The following RPAP2 variants were observed in gnomAD, a reference collection of about 807,000 sequenced individuals.
RPAP2 encodes the protein putative RNA polymerase II subunit B1 CTD phosphatase RPAP2.
Under a neutral mutation model 73.1 loss-of-function variants are expected in RPAP2, and 52 were observed. That is an observed-to-expected ratio of 0.71 (90% confidence interval 0.57 to 0.90). The LOEUF is 0.90. RPAP2 is among the 40% of genes least tolerant of loss of function. RPAP2 has a pLI of 0.00. For synonymous variants in RPAP2, 225 were observed against 242.1 expected (o/e 0.93, Z 0.65); for missense variants, 598 against 701.8 (o/e 0.85, Z 1.67).
intron 10 of RPAP2, among the ~76,000 whole-genome samples, chr1:92,337,141 C>T (rs986028612): frequency 1.3e-5 from 2 of 152,054 alleles, no homozygotes; most frequent in Admixed American, 1.3e-4. Flanking sequence ...GCTGATGTTG[C>T]ACTGACACAG....
At chr1:92,371,318 AAAT>A (rs1278708722) in intron 11 of RPAP2, among the ~76,000 whole-genome samples, 813 of 37,628 alleles carry the variant, frequency 0.022, 9 homozygotes, top group African/African-American at 0.078. Context: ...AAAAAAAAAA[AAAT>A]ATATATATAT....
At chr1:92,374,760 C>T (rs894658355) in intron 11 of RPAP2, among the ~76,000 whole-genome samples, 2 of 152,100 alleles carry the variant, frequency 1.3e-5, no homozygotes, top group African/African-American at 4.8e-5. Context: ...AGTAAGCAGC[C>T]AGACTGGAAA....
intron 11 of RPAP2, among the ~76,000 whole-genome samples, chr1:92,348,468 A>G (rs1193698613): frequency 6.6e-6 from 1 of 152,124 alleles, no homozygotes; most frequent in Non-Finnish European, 1.5e-5. Context: ...CTTTTGCTCT[A>G]GGCCTTCCTT....
At chr1:92,366,068 A>G (rs1224357660) in intron 11 of RPAP2, among the ~76,000 whole-genome samples, 4 of 152,238 alleles carry the variant, frequency 2.6e-5, no homozygotes, top group Non-Finnish European at 5.9e-5. Flanking sequence ...AAAGGGAACA[A>G]CTAGGAAAGA....
intron 5 of RPAP2, among the ~76,000 whole-genome samples, chr1:92,306,077 A>G (rs948033396): frequency 1.3e-5 from 2 of 152,242 alleles, no homozygotes; most frequent in African/African-American, 4.8e-5. Flanking sequence ...ACATGCTACA[A>G]GGTGGATGAA....
intron 12 of RPAP2, among the ~76,000 whole-genome samples, chr1:92,386,547 T>G (rs1286716768): frequency 6.6e-6 from 1 of 152,182 alleles, no homozygotes; most frequent in African/African-American, 2.4e-5. Context: ...CAGTTAAAAC[T>G]TAGCCCTCAA....
At position 92,395,574 on chromosome 1, in the gene RPAP2, T is replaced by G. The variant is rs1656162960; in HGVS notation, c.*8563T>G. 6.8e-6 allele frequency: 1 copy of G among 146,806 alleles called. No individual in the cohort carries two copies. Among genetic ancestry groups the G allele is most frequent in the African/African-American group, 2.6e-5 (1 of 39,140 alleles). 9.1% of individuals were successfully genotyped at this position (146,806 alleles called of 1,614,324 possible). ...TCTCTTGACCCTGGGAGGCAGAGGT[T>G]GCAGTGAGCCAAGATCACACCACCG... On this transcript the variant is annotated 3_prime_UTR_variant, in exon 13 of 13. Coordinates refer to ENST00000610020, the MANE Select transcript of RPAP2 (RefSeq NM_024813.3).
intron 1 of RPAP2, 118 bp downstream of exon 1, chr1:92,299,264 G>A: frequency 1.9e-6 from 1 of 525,178 alleles, no homozygotes; most frequent in Admixed American, 4.0e-5. Flanking sequence ...GGTTCTCCCA[G>A]GTAGAGTAGG....
chr1:92,334,207 A>G lies in RPAP2; in HGVS notation c.1538+734A>G, dbSNP rs904230544. On this transcript the variant is annotated intron_variant, in intron 9 of 12. Coordinates refer to ENST00000610020, the MANE Select transcript of RPAP2 (RefSeq NM_024813.3). ...TTTGAAAATACAGAAAACATTTCAC[A>G]TTAACCAAGGCATAAAGAAGAGTGA... Among the ~76,000 whole-genome samples, 7 of 152,236 alleles carry G rather than the reference A, an allele frequency of 4.6e-5. 1 individual carries two copies. Among genetic ancestry groups the G allele is most frequent in the African/African-American group, 1.7e-4 (7 of 41,470 alleles).
chr1:92,372,210 GA>G (rs752299469), intron 11 of RPAP2, among the ~76,000 whole-genome samples: 13 of 152,074 alleles, frequency 8.5e-5, no homozygotes, highest in Admixed American at 1.3e-4. Flanking sequence ...CATTTAGAAT[GA>G]AAAGAATTTC....
chr1:92,325,440 T>A (rs1048369676), intron 8 of RPAP2, among the ~76,000 whole-genome samples: 1 of 152,154 alleles, frequency 6.6e-6, no homozygotes, highest in African/African-American at 2.4e-5. Flanking sequence ...AGGAGAAACA[T>A]TGATCTCTGT....
intron 11 of RPAP2, among the ~76,000 whole-genome samples, chr1:92,348,088 A>G (rs947834057): frequency 6.6e-6 from 1 of 151,856 alleles, no homozygotes; most frequent in African/African-American, 2.4e-5. Flanking sequence ...CTGGGGTTTC[A>G]CCATGTTGGT....
chr1:92,348,833 C>G (rs1324269921), intron 11 of RPAP2, among the ~76,000 whole-genome samples: 1 of 152,192 alleles, frequency 6.6e-6, no homozygotes, highest in Non-Finnish European at 1.5e-5. Flanking sequence ...CTCTTCTCCC[C>G]CTTACAGTTT....
At chr1:92,360,318 C>T (rs974148161) in intron 11 of RPAP2, among the ~76,000 whole-genome samples, 1 of 152,152 alleles carries the variant, frequency 6.6e-6, no homozygotes, top group African/African-American at 2.4e-5. Context: ...TTCAAGAAAG[C>T]AGTTTCTACA....
chr1:92,317,809 A>C (rs72958796), intron 6 of RPAP2, among the ~76,000 whole-genome samples: 8,066 of 152,250 alleles, frequency 0.053, 572 homozygotes, highest in African/African-American at 0.17. Flanking sequence ...AAAAATAACA[A>C]GTTGTATAGC....
chr1:92,313,645 C>T (rs750682087), intron 6 of RPAP2, among the ~76,000 whole-genome samples: 8 of 152,132 alleles, frequency 5.3e-5, no homozygotes, highest in Admixed American at 3.3e-4. Context: ...TTACCAGCTA[C>T]GTTAGCCCCT....
chr1:92,323,390 CG>C, intron 7 of RPAP2, 54 bp from the exon 8 acceptor site: 1 of 1,273,474 alleles, frequency 7.9e-7, no homozygotes, highest in South Asian at 1.6e-5. Flanking sequence ...CTATTGTTTT[CG>C]GGTTTTATTT....
intron 11 of RPAP2, among the ~76,000 whole-genome samples, chr1:92,370,439 C>T (rs1342481268): frequency 6.6e-6 from 1 of 152,126 alleles, no homozygotes; most frequent in Non-Finnish European, 1.5e-5. Context: ...GAAGGAATAA[C>T]TTCAAGAGCT....
chr1:92,313,787 G>A (rs754697535), intron 6 of RPAP2, among the ~76,000 whole-genome samples: 3 of 152,216 alleles, frequency 2.0e-5, no homozygotes, highest in South Asian at 2.1e-4. Context: ...TTTGTTTAGT[G>A]TAGCTATCTT....
Sources: allele counts gnomAD v4.1 joint callset (sites outside exome capture counted in the v4.1 genomes callset), GRCh38; gene constraint gnomAD v4.1.1; transcripts MANE v1.5; gene names NCBI Gene and HGNC (gene_info 2026-07-23, HGNC 2026-07-21).